REPS2: variants seen among roughly 807,000 people sequenced by gnomAD.
REPS2 encodes the protein RALBP1 associated Eps domain containing 2, also known as ralBP1-associated Eps domain-containing protein 2.
A neutral mutation model predicts 53.6 loss-of-function variants in REPS2; 23 were observed. The observed-to-expected ratio is 0.43, with a 90% confidence interval of 0.31 to 0.61. REPS2 has a LOEUF of 0.61. REPS2 is among the 20% of genes least tolerant of loss of function. The pLI is 0.11. For missense variants in REPS2, 446 were observed against 534.9 expected (o/e 0.83, Z 1.64); for synonymous variants, 238 against 218.6 (o/e 1.09, Z -0.78).
chrX:17,083,312 C>G (rs1488495631), intron 13 of REPS2, among the ~76,000 whole-genome samples: 1 of 110,284 alleles, frequency 9.1e-6, no homozygotes, highest in Non-Finnish European at 1.9e-5. Context: ...TCTCAATCTC[C>G]TGACCTCATG....
intron 1 of REPS2, among the ~76,000 whole-genome samples, chrX:16,959,255 A>G (rs1602504023): frequency 8.9e-6 from 1 of 112,046 alleles, no homozygotes; most frequent in Admixed American, 9.4e-5. Context: ...ATGTACCACT[A>G]TGCTCGGCTG....
intron 5 of REPS2, among the ~76,000 whole-genome samples, chrX:17,038,036 A>G (rs770693701): frequency 9.0e-6 from 1 of 111,627 alleles, no homozygotes; most frequent in African/African-American, 3.3e-5. Flanking sequence ...TACATCTTCC[A>G]TTTGTCCATT....
At chrX:17,108,660 A>G (rs1256995960) in intron 14 of REPS2, among the ~76,000 whole-genome samples, 1 of 111,692 alleles carries the variant, frequency 9.0e-6, no homozygotes, top group Admixed American at 9.5e-5. Flanking sequence ...TAAGTTTTCT[A>G]TTAGCACCAC....
At chrX:17,127,246 G>A (rs1057270728) in intron 14 of REPS2, among the ~76,000 whole-genome samples, 2 of 111,760 alleles carry the variant, frequency 1.8e-5, no homozygotes, top group Non-Finnish European at 3.8e-5. Context: ...TTCAGCATTC[G>A]AATTAGGTTC....
downstream of REPS2, among the ~76,000 whole-genome samples, chrX:17,157,689 AAACTGTTACAGAAG>A (rs2063624789): frequency 8.9e-6 from 1 of 112,244 alleles, no homozygotes; most frequent in African/African-American, 3.2e-5. Flanking sequence ...TAAGATTGAG[AAACTGTTACAGAAG>A]AGCCCTCAGC....
intron 11 of REPS2, among the ~76,000 whole-genome samples, 177 bp from the exon 12 acceptor site, chrX:17,073,937 G>A (rs1474726275): frequency 9.1e-6 from 1 of 109,594 alleles, no homozygotes; most frequent in African/African-American, 3.3e-5. Context: ...CCTTTTAATC[G>A]TTTCTTTAGA....
At chrX:17,033,574 A>G (rs1325755007) in intron 5 of REPS2, among the ~76,000 whole-genome samples, 1 of 111,888 alleles carries the variant, frequency 8.9e-6, no homozygotes, top group East Asian at 2.8e-4. Context: ...ATGCCTGTTC[A>G]GTCCCCAAGT....
intron 4 of REPS2, among the ~76,000 whole-genome samples, chrX:17,026,236 GA>G (rs2061643719): frequency 1.8e-5 from 2 of 111,701 alleles, no homozygotes; most frequent in African/African-American, 6.5e-5. Flanking sequence ...CAGTATCCTA[GA>G]GGGGTATTAG....
At chrX:17,026,030 A>C (rs1398028771) in intron 4 of REPS2, among the ~76,000 whole-genome samples, 1 of 111,943 alleles carries the variant, frequency 8.9e-6, no homozygotes, top group African/African-American at 3.2e-5. Flanking sequence ...TTAGAGGGAC[A>C]CAGAAATAAA....
At chrX:17,162,924 A>G in the REPS2 span, among the ~76,000 whole-genome samples, 1 of 112,335 alleles carries the variant, frequency 8.9e-6, no homozygotes, top group Non-Finnish European at 1.9e-5. Context: ...ACATCACATT[A>G]TACAAAATGT....
intron 4 of REPS2, among the ~76,000 whole-genome samples, chrX:17,027,141 C>G (rs900473217): frequency 9.0e-6 from 1 of 111,469 alleles, no homozygotes; most frequent in African/African-American, 3.3e-5. Flanking sequence ...AATGGATAGG[C>G]CCTTGTAGCT....
intron 14 of REPS2, among the ~76,000 whole-genome samples, chrX:17,125,731 G>A (rs1225255065): frequency 8.8e-6 from 1 of 113,014 alleles, no homozygotes; most frequent in African/African-American, 3.2e-5. Flanking sequence ...TGTTGCAGAG[G>A]TAAATTGGAG....
At chrX:17,119,951 G>A (rs1475449373) in intron 14 of REPS2, among the ~76,000 whole-genome samples, 2 of 98,160 alleles carry the variant, frequency 2.0e-5, no homozygotes, top group African/African-American at 7.7e-5. Context: ...ATTCTGGCTC[G>A]CTGCAACCTC....
At chrX:16,957,130 C>A (rs1200340083) in intron 1 of REPS2, among the ~76,000 whole-genome samples, 1 of 112,127 alleles carries the variant, frequency 8.9e-6, no homozygotes, top group Non-Finnish European at 1.9e-5. Context: ...TTGTTTTTGG[C>A]CAAGTGTGGT....
intron 14 of REPS2, among the ~76,000 whole-genome samples, chrX:17,126,860 C>T (rs1451955847): frequency 8.9e-6 from 1 of 111,857 alleles, no homozygotes; most frequent in Non-Finnish European, 1.9e-5. Flanking sequence ...TACTATCTGC[C>T]CATTACAGAA....
chrX:16,952,648 A>G (rs2060527938), intron 1 of REPS2, among the ~76,000 whole-genome samples: 1 of 112,377 alleles, frequency 8.9e-6, no homozygotes, highest in Non-Finnish European at 1.9e-5. Context: ...TTTTGAAGCA[A>G]CTGTTTAATC....
downstream of REPS2, among the ~76,000 whole-genome samples, chrX:17,155,647 G>T (rs1044859983): frequency 2.7e-5 from 3 of 111,943 alleles, no homozygotes; most frequent in Non-Finnish European, 3.8e-5. Flanking sequence ...AATGATTTGT[G>T]TTCTCCCAAA....
At chrX:17,144,190 C>G (rs1016054828) in intron 17 of REPS2, among the ~76,000 whole-genome samples, 2 of 112,553 alleles carry the variant, frequency 1.8e-5, no homozygotes, top group African/African-American at 6.5e-5. Flanking sequence ...GGCTGTAGGT[C>G]TCAGCATTCC....
chrX:17,012,899 TGGG>T (rs1371664373), intron 2 of REPS2, among the ~76,000 whole-genome samples: 1 of 111,916 alleles, frequency 8.9e-6, no homozygotes, highest in East Asian at 2.8e-4. Context: ...TTGTTGTTGT[TGGG>T]GGAGAGATTT....
Sources: gnomAD v4.1 joint callset for allele counts (sites outside exome capture counted in the v4.1 genomes callset) on GRCh38, gnomAD v4.1.1 for gene constraint, MANE v1.5 for transcripts, NCBI Gene and HGNC (gene_info 2026-07-23, HGNC 2026-07-21) for gene names.